Variants in REEP3 observed in about 807,000 individuals in gnomAD.
REEP3 encodes the protein receptor expression-enhancing protein 3.
A neutral mutation model predicts 41.3 loss-of-function variants in REEP3; 20 were observed. The observed-to-expected ratio is 0.48, with a 90% CI of 0.34 to 0.70. The LOEUF (loss-of-function observed/expected upper bound fraction) is 0.70. REEP3 is among the 30% of genes least tolerant of loss of function. The pLI is 0.01. For missense variants in REEP3, 271 were observed against 308.8 expected (o/e 0.88, Z 0.92); for synonymous variants, 104 against 101.8 (o/e 1.02, Z -0.13).
In REEP3 at chr10:63,621,007, A is replaced by C. The variant is rs1956349681; in HGVS notation, c.*138A>C. On this transcript the variant is annotated 3_prime_UTR_variant, in exon 8 of 8. Coordinates refer to ENST00000373758, the MANE Select transcript of REEP3 (RefSeq NM_001001330.3). ...TGATGGGGTTTACTTTCATGAATTTAAATTGTTTTTATTTCTGTAACAATT... is the reference window on the plus strand; with the variant it reads ...TGATGGGGTTTACTTTCATGAATTTCAATTGTTTTTATTTCTGTAACAATT... The C allele has an allele frequency of 7.5e-6, 4 of 531,920 alleles. No homozygotes were observed. The highest frequency in any genetic ancestry group is 9.7e-6 in the Non-Finnish European group (3 of 309,344). The allele number at this position is 531,920 out of a possible 1,614,324, so 33.0% of individuals were successfully genotyped here.
intron 6 of REEP3, among the ~76,000 whole-genome samples, chr10:63,614,569 C>G (rs2133432731): frequency 6.6e-6 from 1 of 152,276 alleles, no homozygotes; most frequent in Non-Finnish European, 1.5e-5. Flanking sequence ...GGTGGTTGGA[C>G]TTCTTACCTG....
intron 6 of REEP3, among the ~76,000 whole-genome samples, chr10:63,616,800 G>A (rs774739332): frequency 3.9e-4 from 59 of 150,838 alleles, no homozygotes; most frequent in Non-Finnish European, 7.5e-4. Context: ...ACATCAATAG[G>A]AAAAAAAATC....
chr10:63,553,540 G>C (rs1955649401), intron 1 of REEP3, among the ~76,000 whole-genome samples: 1 of 152,144 alleles, frequency 6.6e-6, no homozygotes, highest in African/African-American at 2.4e-5. Flanking sequence ...GCCTGTAGGT[G>C]ACTGTAGCTT....
chr10:63,591,127 G>GTTTTTTTTTTTTT (rs5785582), intron 2 of REEP3, among the ~76,000 whole-genome samples: 1 of 135,954 alleles, frequency 7.4e-6, no homozygotes, highest in Non-Finnish European at 1.6e-5. Context: ...TTTTGTTTTT[G>GTTTTTTTTTTTTT]TTTTTTTTTT....
rs559003723 is a variant in REEP3 at position 63,597,949 on chromosome 10, TA to T, written c.183-71del. 52 of 1,370,772 alleles carry T rather than the reference TA, an allele frequency of 3.8e-5. No homozygotes were observed. In the African/African-American group the frequency reaches 6.0e-4, roughly 16 times the overall value. The allele number at this position is 1,370,772 out of a possible 1,614,324, so 84.9% of individuals were successfully genotyped here. A position where few individuals can be genotyped will look rare whatever the true frequency, so the allele number is the denominator to read the frequency against. On this transcript the variant is annotated intron_variant, in intron 3 of 7. Coordinates refer to ENST00000373758, the MANE Select transcript of REEP3 (RefSeq NM_001001330.3). Reference sequence around the variant, plus strand: ...AAAACAGCATAGTGACTGAACTTTTTAAAAGGTGTTTTTGTGATTTCTACAG... The same window carrying T: ...AAAACAGCATAGTGACTGAACTTTTTAAAGGTGTTTTTGTGATTTCTACAG...
At chr10:63,576,805 A>T (rs1955902551) in intron 2 of REEP3, among the ~76,000 whole-genome samples, 1 of 152,170 alleles carries the variant, frequency 6.6e-6, no homozygotes, top group Admixed American at 6.5e-5. Flanking sequence ...ATATGTCATC[A>T]CATGGTCTTT....
At chr10:63,561,586 G>A (rs10995558) in intron 1 of REEP3, among the ~76,000 whole-genome samples, 1,651 of 152,334 alleles carry the variant, frequency 0.011, 18 homozygotes, top group Non-Finnish European at 0.017. Flanking sequence ...GAAGAGGCCC[G>A]CTAGTGAAGT....
chr10:63,532,389 A>G (rs1246623887), intron 1 of REEP3, among the ~76,000 whole-genome samples: 1 of 152,186 alleles, frequency 6.6e-6, no homozygotes, highest in Non-Finnish European at 1.5e-5. Flanking sequence ...ACCTATAAAT[A>G]AAGAAATAAA....
intron 1 of REEP3, among the ~76,000 whole-genome samples, chr10:63,561,282 T>C (rs1269058919): frequency 6.6e-6 from 1 of 152,232 alleles, no homozygotes; most frequent in Non-Finnish European, 1.5e-5. Flanking sequence ...TGACTAGTCC[T>C]GACAAATTCT....
rs1409707801 is a variant in REEP3, at chr10:63,554,141, C to T, written c.33-12197C>T. On this transcript the variant is annotated intron_variant, in intron 1 of 7. Transcript: ENST00000373758. ...ACCTTAGATTGCAATTGAACTTTCACGTTATCTTTAAGTCAGTGGGCCTAA... is the reference window on the plus strand; with the variant it reads ...ACCTTAGATTGCAATTGAACTTTCATGTTATCTTTAAGTCAGTGGGCCTAA... Among the ~76,000 whole-genome samples the T allele has an allele frequency of 3.3e-5, 5 of 151,798 alleles. 1 individual carries two copies. In the South Asian group the frequency reaches 1.0e-3, roughly 32 times the overall value.
intron 1 of REEP3, among the ~76,000 whole-genome samples, chr10:63,537,050 T>C (rs1955481290): frequency 6.6e-6 from 1 of 152,232 alleles, no homozygotes; most frequent in Admixed American, 6.5e-5. Flanking sequence ...AAAAGACATT[T>C]GCAAGGATAT....
intron 1 of REEP3, among the ~76,000 whole-genome samples, chr10:63,553,340 C>T (rs76775696): frequency 6.6e-6 from 1 of 151,238 alleles, no homozygotes; most frequent in African/African-American, 2.4e-5. Context: ...CAAATCATCA[C>T]AAATTTAATT....
intron 5 of REEP3, among the ~76,000 whole-genome samples, chr10:63,607,748 G>A (rs529411875): frequency 6.6e-6 from 1 of 152,274 alleles, no homozygotes; most frequent in South Asian, 2.1e-4. Flanking sequence ...TAAAAGTCTT[G>A]CTCTGGAGGC....
intron 2 of REEP3, among the ~76,000 whole-genome samples, chr10:63,579,428 A>G (rs898254622): frequency 6.6e-6 from 1 of 152,244 alleles, no homozygotes; most frequent in Admixed American, 6.5e-5. Context: ...ATAAGATTAT[A>G]TAATAGGGGG....
chr10:63,529,591 T>C (rs1048405443), intron 1 of REEP3, among the ~76,000 whole-genome samples: 2 of 152,076 alleles, frequency 1.3e-5, no homozygotes, highest in African/African-American at 4.8e-5. Flanking sequence ...GCCTCCCAGG[T>C]AGCCAGGACT....
intron 1 of REEP3, among the ~76,000 whole-genome samples, chr10:63,546,151 G>A (rs1353311939): frequency 1.3e-5 from 2 of 152,194 alleles, no homozygotes; most frequent in African/African-American, 4.8e-5. Context: ...AGTGAGGTGG[G>A]AAGCTGTTGG....
chr10:63,526,410 ACTT>A lies in REEP3; in HGVS notation c.32+4837_32+4839del, dbSNP rs575821517. On this transcript the variant is annotated intron_variant, in intron 1 of 7. Coordinates refer to ENST00000373758, the MANE Select transcript of REEP3 (RefSeq NM_001001330.3). ...TATATATACTTCTTTTGAAGTACATACTTCTTTGGGATAAAAATACAAGAGGAA... is the reference window on the plus strand; with the variant it reads ...TATATATACTTCTTTTGAAGTACATACTTTGGGATAAAAATACAAGAGGAA... Among the ~76,000 whole-genome samples the A allele has an allele frequency of 5.1e-4, 77 of 152,248 alleles. No individual in the cohort carries two copies. In the East Asian group the frequency reaches 6.2e-3, roughly 12 times the overall value.
chr10:63,597,765 T>C (rs1274724484), intron 3 of REEP3, among the ~76,000 whole-genome samples: 4 of 151,870 alleles, frequency 2.6e-5, no homozygotes, highest in African/African-American at 9.7e-5. Flanking sequence ...ATATGAAAAT[T>C]AGCCAGGAGT....
chr10:63,540,742 G>T (rs1291139216), intron 1 of REEP3, among the ~76,000 whole-genome samples: 3 of 151,878 alleles, frequency 2.0e-5, no homozygotes, highest in Admixed American at 6.6e-5. Flanking sequence ...TAATTTAAAG[G>T]TTTTTTGTTT....
Sources: gnomAD v4.1 joint callset for allele counts (sites outside exome capture counted in the v4.1 genomes callset) on GRCh38, gnomAD v4.1.1 for gene constraint, MANE v1.5 for transcripts, NCBI Gene and HGNC (gene_info 2026-07-23, HGNC 2026-07-21) for gene names.